GRIN2B: variants seen among roughly 807,000 people sequenced by gnomAD.
GRIN2B encodes the protein glutamate ionotropic receptor NMDA type subunit 2B, also known as glutamate receptor ionotropic, NMDA 2B.
A neutral mutation model predicts 114.5 loss-of-function variants in GRIN2B; 5 were observed. The ratio of observed to expected loss-of-function variants is 0.04; its 90% confidence interval spans 0.02 to 0.09. The LOEUF (loss-of-function observed/expected upper bound fraction) is 0.09. Among genes scored for constraint, GRIN2B ranks in the 10% least tolerant of loss-of-function variants. The probability of loss-of-function intolerance (pLI) is 1.00; values close to 1 mark genes in which losing one functional copy is unlikely to be tolerated. For missense variants in GRIN2B, 1,108 were observed against 1,943.5 expected (o/e 0.57, Z 8.08); for synonymous variants, 787 against 745.1 (o/e 1.06, Z -0.92).
At chr12:13,835,447 T>C (rs887060506) in intron 3 of GRIN2B, among the ~76,000 whole-genome samples, 1 of 152,068 alleles carries the variant, frequency 6.6e-6, no homozygotes, top group African/African-American at 2.4e-5. Flanking sequence ...TGTCTCTTCC[T>C]TACCTCTTGC....
chr12:13,843,365 C>T (rs1393983413), intron 3 of GRIN2B, among the ~76,000 whole-genome samples: 1 of 151,978 alleles, frequency 6.6e-6, no homozygotes, highest in Non-Finnish European at 1.5e-5. Flanking sequence ...AGGGGTCATT[C>T]CCATTTGATT....
chr12:13,632,869 TC>T (rs1372685482), intron 5 of GRIN2B, among the ~76,000 whole-genome samples: 1 of 152,190 alleles, frequency 6.6e-6, no homozygotes, highest in Non-Finnish European at 1.5e-5. Flanking sequence ...AGGACCTATC[TC>T]AGACCAATTA....
chr12:13,622,413 G>C (rs1949526610), intron 5 of GRIN2B, among the ~76,000 whole-genome samples: 1 of 152,140 alleles, frequency 6.6e-6, no homozygotes, highest in Non-Finnish European at 1.5e-5. Context: ...ACTCTGAATA[G>C]AGCAGAAATC....
intron 2 of GRIN2B, among the ~76,000 whole-genome samples, chr12:13,929,088 G>T (rs549599067): frequency 6.6e-6 from 1 of 152,254 alleles, no homozygotes; most frequent in Non-Finnish European, 1.5e-5. Context: ...ATAGAGCTAG[G>T]TCCTGAATTC....
At chr12:13,754,372 T>C (rs913599637) in intron 3 of GRIN2B, among the ~76,000 whole-genome samples, 3 of 152,128 alleles carry the variant, frequency 2.0e-5, no homozygotes, top group African/African-American at 7.2e-5. Context: ...ACATACATAC[T>C]TTCCATTTTT....
intron 3 of GRIN2B, among the ~76,000 whole-genome samples, chr12:13,847,957 CCTT>C (rs1466968260): frequency 1.3e-5 from 2 of 152,120 alleles, no homozygotes; most frequent in African/African-American, 4.8e-5. Context: ...GTCCTGAAGT[CCTT>C]CTGCCTTAAT....
intron 5 of GRIN2B, 139 bp from the exon 6 acceptor site, chr12:13,616,796 GA>G (rs1949449448): frequency 1.4e-6 from 1 of 725,314 alleles, no homozygotes; most frequent in Non-Finnish European, 2.5e-6. Flanking sequence ...CTAGAGATAG[GA>G]ATACTTTTTA....
chr12:13,933,000 T>C (rs4764040), intron 2 of GRIN2B, among the ~76,000 whole-genome samples: 5 of 149,638 alleles, frequency 3.3e-5, no homozygotes, highest in East Asian at 2.0e-4. Flanking sequence ...TGTGCGTGTG[T>C]GTGTGTTTGT....
Position 13,719,882 on chromosome 12 carries a change from A to T in GRIN2B, c.1010+33435T>A, listed in dbSNP as rs144558690. On this transcript the variant is annotated intron_variant, in intron 4 of 13. Coordinates refer to ENST00000609686, the MANE Select transcript of GRIN2B (RefSeq NM_000834.5). ...AAAATTCTGGAGCCTCTGCTTGCAA[A>T]TACCAAAACTGGTTTATCACAACAG... is the stretch of plus-strand genomic sequence containing the variant. 3.0e-4 allele frequency among the ~76,000 whole-genome samples: 45 copies of T among 152,132 alleles called. No homozygotes were observed. In the East Asian group the frequency reaches 6.6e-3, roughly 22 times the overall value.
At chr12:13,571,707 A>T in intron 11 of GRIN2B, 97 bp downstream of exon 11, 2 of 1,263,116 alleles carry the variant, frequency 1.6e-6, no homozygotes, top group South Asian at 1.2e-5. Context: ...ACATTTTATG[A>T]TACCAAGCAT....
At chr12:13,927,664 G>A (rs1053319429) in intron 2 of GRIN2B, among the ~76,000 whole-genome samples, 1 of 151,988 alleles carries the variant, frequency 6.6e-6, no homozygotes, top group African/African-American at 2.4e-5. Context: ...AGCTAACAGA[G>A]AGGGTGCAGC....
In GRIN2B at chr12:13,559,775, G is replaced by A. The variant is rs1014315117; in HGVS notation, c.*3008C>T. 3.3e-5 allele frequency: 5 copies of A among 152,204 alleles called. No individual in the cohort carries two copies. The highest frequency in any genetic ancestry group is 7.3e-5 in the Non-Finnish European group (5 of 68,054). 9.4% of individuals were successfully genotyped at this position (152,204 alleles called of 1,614,324 possible). A position where few individuals can be genotyped will look rare whatever the true frequency, so the allele number is the denominator to read the frequency against. ...TTTGCCAGGCTGACTTCTGAGGGTG[G>A]AGATGGGGCAGGGAGTGAGTCAGCG... On this transcript the variant is annotated 3_prime_UTR_variant, in exon 14 of 14. Transcript: ENST00000609686.
At chr12:13,681,112 C>T (rs11837924) in intron 4 of GRIN2B, among the ~76,000 whole-genome samples, 2 of 152,092 alleles carry the variant, frequency 1.3e-5, no homozygotes, top group Non-Finnish European at 2.9e-5. Context: ...GGGAGGCACT[C>T]GAAGGAGCTC....
In GRIN2B at chr12:13,547,049, T is replaced by C. The variant is rs1042778590; in HGVS notation, c.*15734A>G. 6.6e-6 allele frequency: 1 copy of C among 152,182 alleles called. No homozygotes were observed. The highest frequency in any genetic ancestry group is 2.4e-5 in the African/African-American group (1 of 41,432). The allele number at this position is 152,182 out of a possible 1,614,324, so 9.4% of individuals were successfully genotyped here. ...TCCAACTTCCTAAGTTAAAAAATGA[T>C]GAGAAAACCATGAAAAATTACTGTC... On this transcript the variant is annotated 3_prime_UTR_variant, in exon 14 of 14. Transcript: ENST00000609686.
intron 5 of GRIN2B, among the ~76,000 whole-genome samples, chr12:13,634,586 C>T (rs1360303902): frequency 6.6e-6 from 1 of 152,122 alleles, no homozygotes; most frequent in Non-Finnish European, 1.5e-5. Flanking sequence ...TGAAGTGACA[C>T]CCATCACTTC....
intron 10 of GRIN2B, among the ~76,000 whole-genome samples, chr12:13,592,399 A>T (rs1233218344): frequency 2.6e-5 from 4 of 151,990 alleles, no homozygotes; most frequent in Admixed American, 2.6e-4. Flanking sequence ...GACCCTATAA[A>T]ACTCCCCTCC....
intron 4 of GRIN2B, among the ~76,000 whole-genome samples, chr12:13,704,699 T>A (rs993723139): frequency 1.2e-4 from 19 of 152,122 alleles, no homozygotes; most frequent in African/African-American, 3.9e-4. Flanking sequence ...CATGGCTGCA[T>A]CTATGTTAAA....
chr12:13,744,773 C>T (rs1026930462), intron 4 of GRIN2B, among the ~76,000 whole-genome samples: 7 of 152,176 alleles, frequency 4.6e-5, no homozygotes, highest in African/African-American at 1.7e-4. Context: ...GCCAGCTCAG[C>T]TTGGAGACTG....
chr12:13,824,855 CAAAAAAAAAAAA>C (rs34417194), intron 3 of GRIN2B, among the ~76,000 whole-genome samples: 13 of 95,112 alleles, frequency 1.4e-4, no homozygotes, highest in African/African-American at 5.2e-4. Context: ...GACTCCATTT[CAAAAAAAAAAAA>C]AAAAAAAAAA....
Sources: gnomAD v4.1 joint callset for allele counts (sites outside exome capture counted in the v4.1 genomes callset) on GRCh38, gnomAD v4.1.1 for gene constraint, MANE v1.5 for transcripts, NCBI Gene and HGNC (gene_info 2026-07-23, HGNC 2026-07-21) for gene names.